The following TEC variants were observed in gnomAD, a reference collection of about 807,000 sequenced individuals.
TEC encodes the protein tyrosine-protein kinase Tec.
TEC carries 72 observed loss-of-function variants against 93.0 expected under a neutral mutation model. The ratio of observed to expected loss-of-function variants is 0.77; its 90% CI spans 0.64 to 0.94. The LOEUF (loss-of-function observed/expected upper bound fraction) is 0.94. Ranked by LOEUF, TEC falls within the 40% of genes least tolerant of loss-of-function variation. The pLI is 0.00. For missense variants in TEC, 630 were observed against 757.9 expected, an observed-to-expected ratio of 0.83 and a Z score of 1.98; for synonymous variants, 249 against 247.7, an observed-to-expected ratio of 1.01 and a Z score of -0.05.
At chr4:48,229,712 C>T (rs1560418693) in intron 1 of TEC, among the ~76,000 whole-genome samples, 1 of 143,944 alleles carries the variant, frequency 6.9e-6, no homozygotes, top group Admixed American at 6.9e-5. Flanking sequence ...GGAGGTGGAG[C>T]GTGGAGTGAG....
chr4:48,218,473 T>C (rs1311930641), intron 2 of TEC, among the ~76,000 whole-genome samples: 1 of 152,204 alleles, frequency 6.6e-6, no homozygotes, highest in Non-Finnish European at 1.5e-5. Flanking sequence ...GACTGCCTGG[T>C]AATCTCTAAC....
At chr4:48,173,462 C>A (rs954183046) in intron 3 of TEC, among the ~76,000 whole-genome samples, 2 of 152,032 alleles carry the variant, frequency 1.3e-5, no homozygotes, top group African/African-American at 4.8e-5. Flanking sequence ...GGGCCAGTAT[C>A]TCCCTGAGCA....
chr4:48,160,774 G>GGAAAA (rs1720607688), intron 8 of TEC, among the ~76,000 whole-genome samples: 1 of 138,124 alleles, frequency 7.2e-6, no homozygotes, highest in Admixed American at 7.4e-5. Context: ...AAGAAAAAAA[G>GGAAAA]AAAGAAAGAA....
intron 1 of TEC, among the ~76,000 whole-genome samples, chr4:48,230,096 TAATAATA>T (rs1225744927): frequency 4.0e-5 from 6 of 148,468 alleles, no homozygotes; most frequent in East Asian, 2.1e-4. Context: ...ATAATAATAA[TAATAATA>T]AATAAATAAC....
chr4:48,190,986 T>A (rs1313715475), intron 2 of TEC, among the ~76,000 whole-genome samples: 1 of 152,188 alleles, frequency 6.6e-6, no homozygotes, highest in Non-Finnish European at 1.5e-5. Flanking sequence ...TTCAGTATTG[T>A]CTCAATGTTT....
chr4:48,179,405 A>T (rs1372109923), intron 2 of TEC, among the ~76,000 whole-genome samples: 2 of 84,774 alleles, frequency 2.4e-5, no homozygotes, highest in African/African-American at 9.5e-5. Flanking sequence ...TTTTTTCAAG[A>T]CAGAGTCTTG....
chr4:48,218,125 C>T (rs1369821703), intron 2 of TEC, among the ~76,000 whole-genome samples: 1 of 151,872 alleles, frequency 6.6e-6, no homozygotes, highest in Non-Finnish European at 1.5e-5. Flanking sequence ...AGATATGAAT[C>T]AGAAATGGGA....
Position 48,186,669 on chromosome 4 carries a change from G to A in TEC, c.139-10483C>T, listed in dbSNP as rs570691469. On this transcript the variant is annotated intron_variant, in intron 2 of 17. Coordinates refer to ENST00000381501, the MANE Select transcript of TEC (RefSeq NM_003215.3). ...AGCCCCTGCGCCTGGCAGCCTCCCC[G>A]TCTGCGAAGTGAGGAGCCCCTCCGC... Among the ~76,000 whole-genome samples the A allele has an allele frequency of 6.3e-4, 95 of 151,286 alleles. 1 individual carries two copies. Among genetic ancestry groups the A allele is most frequent in the African/African-American group, 2.1e-3 (87 of 41,204 alleles).
chr4:48,221,314 T>C (rs1723253218), intron 2 of TEC, among the ~76,000 whole-genome samples: 1 of 152,188 alleles, frequency 6.6e-6, no homozygotes, highest in South Asian at 2.1e-4. Context: ...TGGGGGCGGT[T>C]ACCCCCATGC....
intron 1 of TEC, among the ~76,000 whole-genome samples, chr4:48,241,933 A>G (rs1481530284): frequency 6.6e-6 from 1 of 152,250 alleles, no homozygotes. Context: ...GTCATGATGT[A>G]TTAGGAACCA....
intron 1 of TEC, among the ~76,000 whole-genome samples, chr4:48,257,926 ATTATC>A (rs1304020332): frequency 6.6e-6 from 1 of 152,230 alleles, no homozygotes; most frequent in African/African-American, 2.4e-5. Flanking sequence ...CAGTGAAAAA[ATTATC>A]TTAGATGCTG....
chr4:48,156,547 C>A (rs1720408770), intron 9 of TEC, 133 bp downstream of exon 9: 1 of 682,346 alleles, frequency 1.5e-6, no homozygotes, highest in Non-Finnish European at 2.3e-6. Context: ...GCTCCCTCAG[C>A]CTCTGGGAAT....
chr4:48,219,583 A>G (rs1382048248), intron 2 of TEC, among the ~76,000 whole-genome samples: 3 of 152,188 alleles, frequency 2.0e-5, no homozygotes, highest in Admixed American at 1.3e-4. Flanking sequence ...ATAAGTGCAG[A>G]GAAGAAAATG....
At chr4:48,269,416 T>C (rs551720625) in intron 1 of TEC, among the ~76,000 whole-genome samples, 1 of 152,320 alleles carries the variant, frequency 6.6e-6, no homozygotes, top group Admixed American at 6.5e-5. Flanking sequence ...AACGCTGAAC[T>C]TGCCGCAGGG....
chr4:48,245,278 C>T (rs866695199), intron 1 of TEC, among the ~76,000 whole-genome samples: 10 of 141,690 alleles, frequency 7.1e-5, no homozygotes, highest in African/African-American at 1.1e-4. Context: ...GGCAACACAA[C>T]GAGAGTCCTT....
chr4:48,207,069 T>C (rs531312425), intron 2 of TEC, among the ~76,000 whole-genome samples: 80 of 152,098 alleles, frequency 5.3e-4, no homozygotes, highest in African/African-American at 1.8e-3. Flanking sequence ...CCAAGAAAGG[T>C]AGAATTTGAA....
intron 2 of TEC, among the ~76,000 whole-genome samples, chr4:48,200,667 C>T (rs1176479345): frequency 6.6e-6 from 1 of 152,206 alleles, no homozygotes; most frequent in African/African-American, 2.4e-5. Flanking sequence ...TGGCTAAGTT[C>T]TGGTCAATGA....
chr4:48,228,366 A>C, intron 2 of TEC, 111 bp downstream of exon 2: 1 of 1,188,198 alleles, frequency 8.4e-7, no homozygotes, highest in South Asian at 2.0e-5. Context: ...ATGATAATAA[A>C]TCATTACTTC....
At position 48,144,218 on chromosome 4, in the gene TEC, G is replaced by GA. The variant is rs1181587165; in HGVS notation, c.1470+860dup. On this transcript the variant is annotated intron_variant, in intron 14 of 17. Transcript: ENST00000381501. ...AGACAAAGTGAGACCTGTCTCAAAGGAAAAAAAAATTTTTTTAAAGTTTTT... is the reference window on the plus strand; with the variant it reads ...AGACAAAGTGAGACCTGTCTCAAAGGAAAAAAAAAATTTTTTTAAAGTTTTT... Among the ~76,000 whole-genome samples, 4 of 151,672 alleles carry GA rather than the reference G, an allele frequency of 2.6e-5. No homozygotes were observed. The East Asian group carries it at 7.7e-4, about 29-fold the overall frequency.
Sources: allele counts gnomAD v4.1 joint callset (sites outside exome capture counted in the v4.1 genomes callset), GRCh38; gene constraint gnomAD v4.1.1; transcripts MANE v1.5; gene names NCBI Gene and HGNC (gene_info 2026-07-23, HGNC 2026-07-21).